Variants in SPINK5 observed in about 807,000 individuals in gnomAD.
SPINK5 encodes serine peptidase inhibitor Kazal type 5, also known as serine protease inhibitor Kazal-type 5.
A neutral mutation model predicts 151.8 loss-of-function variants in SPINK5; 125 were observed. The observed-to-expected ratio is 0.82, with a 90% confidence interval of 0.71 to 0.96. The LOEUF (loss-of-function observed/expected upper bound fraction) is 0.96. Among genes scored for constraint, SPINK5 ranks in the 40% least tolerant of loss-of-function variants. The pLI, the probability that SPINK5 is intolerant of heterozygous loss-of-function variation, is 0.00. For missense variants in SPINK5, 1,194 were observed against 1,291.9 expected, an observed-to-expected ratio of 0.92 and a Z score of 1.16; for synonymous variants, 374 against 395.3, an observed-to-expected ratio of 0.95 and a Z score of 0.64.
At chr5:148,124,165 G>A (rs1754368041) in intron 27 of SPINK5, among the ~76,000 whole-genome samples, 2 of 152,164 alleles carry the variant, frequency 1.3e-5, no homozygotes, top group African/African-American at 4.8e-5. Context: ...CAGAACCTCT[G>A]GGGTAGGAAG....
intron 19 of SPINK5, 55 bp downstream of exon 19, chr5:148,111,950 G>A (rs1317017004): frequency 1.2e-6 from 2 of 1,613,194 alleles, no homozygotes; most frequent in African/African-American, 2.7e-5. Flanking sequence ...TCAGCATCGG[G>A]TGGGCAAGAG....
chr5:148,122,001 AGTGT>A (rs35297940), intron 26 of SPINK5, among the ~76,000 whole-genome samples: 28,742 of 148,378 alleles, frequency 0.19, 4,230 homozygotes, highest in African/African-American at 0.4. Flanking sequence ...ATTGTGTGTG[AGTGT>A]GTGTGTGTGT....
chr5:148,100,500 C>T lies in SPINK5; in HGVS notation c.1139C>T (p.Ala380Val). The change falls in exon 13 of 33, where the codon GCT becomes GTT. Residue 380 changes from alanine (A) to valine (V), a missense_variant. By Grantham distance (64) the Ala-to-Val change is moderately conservative. Transcript: ENST00000256084. ...AAGCTTGTGAGGAACGGAAAACTTG[C>T]TTGCACCAGAGAGAACGATCCTATC... is the stretch of plus-strand genomic sequence containing the variant. ...YRKLVRNGKL[A>V]CTRENDPIQG... 6.2e-7 allele frequency: 1 copy of T among 1,613,102 alleles called. No individual in the cohort carries two copies. The highest frequency in any genetic ancestry group is 8.5e-7 in the Non-Finnish European group (1 of 1,179,290).
At chr5:148,109,063 CCT>C (rs869247701) in intron 18 of SPINK5, among the ~76,000 whole-genome samples, 4 of 146,926 alleles carry the variant, frequency 2.7e-5, no homozygotes, top group Admixed American at 2.0e-4. Flanking sequence ...CATTTTCTCC[CCT>C]GATTGTGTCA....
chr5:148,092,187 C>T (rs1753330246), intron 8 of SPINK5, among the ~76,000 whole-genome samples: 1 of 151,900 alleles, frequency 6.6e-6, no homozygotes, highest in South Asian at 2.1e-4. Context: ...GATCGTAGGG[C>T]TTATGTTTTC....
intron 4 of SPINK5, among the ~76,000 whole-genome samples, chr5:148,072,457 G>T (rs938202717): frequency 2.0e-5 from 3 of 151,990 alleles, no homozygotes; most frequent in Non-Finnish European, 4.4e-5. Context: ...AAGAGGTGGA[G>T]TGAGCCAGTG....
intron 8 of SPINK5, among the ~76,000 whole-genome samples, chr5:148,093,283 A>C (rs1340196969): frequency 2.0e-5 from 3 of 151,940 alleles, no homozygotes; most frequent in Non-Finnish European, 2.9e-5. Flanking sequence ...CAAAACACAG[A>C]AAGTAGCCTG....
In SPINK5 at chr5:148,107,091, A is replaced by G; in HGVS notation, c.1534A>G (p.Arg512Gly). The change falls in exon 17 of 33, where the codon AGG becomes GGG. Residue 512 changes from arginine (R) to glycine (G), a missense_variant. Arg to Gly is a moderately radical substitution (Grantham distance 125). Transcript: ENST00000256084. ...QVRNGTLICT[R>G]EHNPVRGPDG... is the part of the protein sequence containing the mutation. ...GAGGAATGGAACACTTATATGCACCAGGGAGCATAATCCTGTCCGTGGCCC... is the reference window on the plus strand; with the variant it reads ...GAGGAATGGAACACTTATATGCACCGGGGAGCATAATCCTGTCCGTGGCCC... 3.1e-6 allele frequency: 5 copies of G among 1,613,356 alleles called. No homozygotes were observed. Among genetic ancestry groups the G allele is most frequent in the Non-Finnish European group, 4.2e-6 (5 of 1,179,480 alleles).
At chr5:148,127,928 A>T (rs1376612944) in intron 30 of SPINK5, among the ~76,000 whole-genome samples, 1 of 152,142 alleles carries the variant, frequency 6.6e-6, no homozygotes, top group African/African-American at 2.4e-5. Context: ...GCATGATAAG[A>T]TTTACTTTGT....
At chr5:148,085,291 T>C (rs973976423) in intron 4 of SPINK5, among the ~76,000 whole-genome samples, 1 of 151,940 alleles carries the variant, frequency 6.6e-6, no homozygotes, top group Non-Finnish European at 1.5e-5. Context: ...ACATCATAGG[T>C]CTACATTCTA....
At chr5:148,068,313 C>T (rs1313928068) in intron 2 of SPINK5, among the ~76,000 whole-genome samples, 1 of 151,824 alleles carries the variant, frequency 6.6e-6, no homozygotes, top group Non-Finnish European at 1.5e-5. Flanking sequence ...TCTCCTTCAC[C>T]ATTAATCATT....
chr5:148,086,481 G>A lies in SPINK5; in HGVS notation c.359G>A (p.Gly120Asp), dbSNP rs1753156960. The A allele has an allele frequency of 5.6e-6, 9 of 1,611,884 alleles. No individual in the cohort carries two copies. The highest frequency in any genetic ancestry group is 7.6e-6 in the Non-Finnish European group (9 of 1,178,798). ...ICPDYYEAVC[G>D]TDGKTYDNRC... ...CCTGATTATTATGAAGCTGTTTGTG[G>A]CACAGATGGGAAAACATATGACAAC... Residue 120 changes from glycine to aspartate, a missense_variant, in exon 5 of 33, where the codon GGC (glycine) becomes GAC (aspartate). Coordinates refer to ENST00000256084, the MANE Select transcript of SPINK5 (RefSeq NM_006846.4).
intron 1 of SPINK5, 72 bp from the exon 2 acceptor site, chr5:148,065,275 A>G: frequency 6.6e-7 from 1 of 1,519,822 alleles, no homozygotes; most frequent in Non-Finnish European, 9.0e-7. Context: ...ATGCTGCATT[A>G]AATGGATTAT....
At chr5:148,109,439 GAAGTT>G (rs1207230260) in intron 18 of SPINK5, among the ~76,000 whole-genome samples, 3 of 151,362 alleles carry the variant, frequency 2.0e-5, no homozygotes, top group African/African-American at 7.3e-5. Context: ...GCTGACATAA[GAAGTT>G]AAGAAATATA....
In SPINK5 at chr5:148,094,489, T is replaced by C. The variant is rs1753403342; in HGVS notation, c.794+8T>C. ...CCTGTGTGCTGAAATTTTGTGAGTATAGAAGTGGTTTTTTCAGAGTGATTC... is the reference window on the plus strand; with the variant it reads ...CCTGTGTGCTGAAATTTTGTGAGTACAGAAGTGGTTTTTTCAGAGTGATTC... On this transcript the variant is annotated splice_region_variant and intron_variant, in intron 9 of 32. Transcript: ENST00000256084. 6 of 1,612,168 alleles carry C rather than the reference T, an allele frequency of 3.7e-6. No homozygotes were observed. The East Asian group carries it at 6.7e-5, about 18-fold the overall frequency.
chr5:148,105,726 C>T (rs1286840424), intron 16 of SPINK5, among the ~76,000 whole-genome samples: 2 of 151,840 alleles, frequency 1.3e-5, no homozygotes, highest in African/African-American at 2.4e-5. Context: ...AAGTGATTCT[C>T]CTGCCTCAGC....
chr5:148,095,419 T>C (rs578005598), intron 9 of SPINK5, among the ~76,000 whole-genome samples: 1 of 152,022 alleles, frequency 6.6e-6, no homozygotes, highest in South Asian at 2.1e-4. Context: ...AAGCTTAAGT[T>C]CAGTAGCAGA....
At chr5:148,075,457 A>G (rs1054488620) in intron 4 of SPINK5, among the ~76,000 whole-genome samples, 2 of 151,578 alleles carry the variant, frequency 1.3e-5, no homozygotes, top group Non-Finnish European at 2.9e-5. Flanking sequence ...TTGGATACTA[A>G]TATCTTAATT....
At chr5:148,070,221 GTATA>G in intron 2 of SPINK5, 98 bp from the exon 3 acceptor site, 1 of 1,364,566 alleles carries the variant, frequency 7.3e-7, no homozygotes, top group African/African-American at 1.5e-5. Flanking sequence ...AATTGTGTGT[GTATA>G]TATATGCAGA....
Sources: allele counts gnomAD v4.1 joint callset (sites outside exome capture counted in the v4.1 genomes callset), GRCh38; gene constraint gnomAD v4.1.1; transcripts MANE v1.5; gene names NCBI Gene and HGNC (gene_info 2026-07-23, HGNC 2026-07-21).